KDM5A: variants seen among roughly 807,000 people sequenced by gnomAD.
KDM5A encodes the protein lysine-specific demethylase 5A.
A neutral mutation model predicts 193.5 loss-of-function variants in KDM5A; 42 were observed. The ratio of observed to expected loss-of-function variants is 0.22; its 90% confidence interval spans 0.17 to 0.28. KDM5A has a LOEUF of 0.28. KDM5A is among the 10% of genes least tolerant of loss of function. The pLI is 1.00. For missense variants in KDM5A, 1,692 were observed against 2,055.1 expected, an observed-to-expected ratio of 0.82 and a Z score of 3.42; for synonymous variants, 796 against 718.1, an observed-to-expected ratio of 1.11 and a Z score of -1.73.
Position 281,522 on chromosome 12 carries a change from G to A in KDM5A, c.*3934C>T, listed in dbSNP as rs1243114571. On this transcript the variant is annotated 3_prime_UTR_variant, in exon 28 of 28. Coordinates refer to ENST00000399788, the MANE Select transcript of KDM5A (RefSeq NM_001042603.3). ...ACTTGGGACATTCATATCCAAAGAA[G>A]TAATGGTATGACTTAAAAAAAAAGG... The A allele has an allele frequency of 1.3e-5, 3 of 233,012 alleles. No individual in the cohort carries two copies. Among genetic ancestry groups the A allele is most frequent in the Non-Finnish European group, 2.5e-5 (3 of 118,020 alleles). The allele number at this position is 233,012 out of a possible 1,614,324, so 14.4% of individuals were successfully genotyped here.
At chr12:321,380 T>C (rs113310963) in intron 17 of KDM5A, among the ~76,000 whole-genome samples, 98 of 152,360 alleles carry the variant, frequency 6.4e-4, no homozygotes, top group African/African-American at 2.3e-3. Flanking sequence ...ATTAAGTTCA[T>C]TGATAAAACT....
chr12:374,552 T>C (rs1165690978), intron 3 of KDM5A, among the ~76,000 whole-genome samples: 1 of 152,220 alleles, frequency 6.6e-6, no homozygotes, highest in African/African-American at 2.4e-5. Flanking sequence ...GTCTTTTAAC[T>C]GGAGCATTTA....
At chr12:345,384 C>T (rs1449665713) in intron 10 of KDM5A, among the ~76,000 whole-genome samples, 2 of 152,132 alleles carry the variant, frequency 1.3e-5, no homozygotes, top group African/African-American at 2.4e-5. Context: ...ACAAGGATAT[C>T]CAGGACCTGA....
chr12:330,493 A>T (rs974630791), intron 13 of KDM5A, among the ~76,000 whole-genome samples: 1 of 152,202 alleles, frequency 6.6e-6, no homozygotes, highest in Non-Finnish European at 1.5e-5. Context: ...AAAGCTGCCC[A>T]AGGTCAAATA....
rs769792722 is a variant in KDM5A, at chr12:313,076, C to T, written c.3016G>A (p.Ala1006Thr). The T allele has an allele frequency of 3.7e-6, 6 of 1,613,998 alleles. No individual in the cohort carries two copies. The highest frequency in any genetic ancestry group is 2.2e-5 in the South Asian group (2 of 91,074). Residue 1006 changes from alanine (A) to threonine (T), a missense_variant, in exon 20 of 28, where the codon GCT becomes ACT. Transcript: ENST00000399788. ...EALQKAREWT[A>T]KVEAIQSGSN... ...CTTACCTGAATAGCTTCCACTTTAG[C>T]GGTCCATTCTCGAGCCTTTTGTAAG...
At chr12:321,777 C>T (rs1056028532) in intron 17 of KDM5A, among the ~76,000 whole-genome samples, 1 of 152,116 alleles carries the variant, frequency 6.6e-6, no homozygotes, top group Admixed American at 6.5e-5. Flanking sequence ...ATCAAGGTTA[C>T]CCTTTGCTGC....
intron 9 of KDM5A, among the ~76,000 whole-genome samples, 189 bp from the exon 10 acceptor site, chr12:350,968 G>A (rs1045744593): frequency 7.2e-5 from 11 of 152,112 alleles, no homozygotes; most frequent in Non-Finnish European, 1.2e-4. Flanking sequence ...CAACTCGGAC[G>A]TTCAGAAAAA....
rs913417551 is a variant in KDM5A, at chr12:331,883, T to C, written c.1709A>G (p.Tyr570Cys). Reference protein sequence around the residue: ...GEFVVTFPRAYHSGFNQGYNF... With the variant: ...GEFVVTFPRACHSGFNQGYNF... ...GTAGCCCTGGTTAAATCCAGAGTGA[T>C]AGGCACGAGGAAATGTCACAACAAA... Residue 570 changes from tyrosine to cysteine, a missense_variant, in exon 13 of 28, where the codon TAT (tyrosine) becomes TGT (cysteine). Physicochemically the swap from Tyr to Cys is radical, Grantham distance 194 (BLOSUM62 -2). Coordinates refer to ENST00000399788, the MANE Select transcript of KDM5A (RefSeq NM_001042603.3). 3.1e-6 allele frequency: 5 copies of C among 1,613,934 alleles called. No individual in the cohort carries two copies. Among genetic ancestry groups the C allele is most frequent in the Non-Finnish European group, 4.2e-6 (5 of 1,179,952 alleles).
chr12:314,897 T>C (rs1943631835), intron 19 of KDM5A, among the ~76,000 whole-genome samples: 2 of 152,174 alleles, frequency 1.3e-5, no homozygotes, highest in African/African-American at 4.8e-5. Flanking sequence ...ACTAGATATA[T>C]AATTAAGCAA....
rs779176655 is a variant in KDM5A at position 307,914 on chromosome 12, C to T, written c.3470G>A (p.Arg1157His). Residue 1157 changes from arginine (R) to histidine (H), a missense_variant, in exon 23 of 28, where the codon CGC becomes CAC. By Grantham distance (29) the Arg-to-His change is conservative. Around this residue, in one of 11 missense-constraint regions of KDM5A, gnomAD observed 965 missense variants for 1,061.0 expected, o/e 0.91. Transcript: ENST00000399788. The surrounding 1 kb of genome is among the most constrained non-coding windows in gnomAD (Gnocchi z 4.3). Reference protein sequence around the residue: ...ANLAKMTMVDRIEEVKFCICR... With the variant: ...ANLAKMTMVDHIEEVKFCICR... ...AATGCAAAATTTTACTTCTTCTATG[C>T]GGTCCACCATTGTCATCTTGGCTAG... 35 of 1,614,026 alleles carry T rather than the reference C, an allele frequency of 2.2e-5. No homozygotes were observed. The highest frequency in any genetic ancestry group is 4.0e-5 in the African/African-American group (3 of 74,906).
At chr12:349,704 TTTTTTTTCC>T (rs1280755523) in intron 10 of KDM5A, among the ~76,000 whole-genome samples, 1 of 151,102 alleles carries the variant, frequency 6.6e-6, no homozygotes, top group Non-Finnish European at 1.5e-5. Flanking sequence ...ATTAGCTTTT[TTTTTTTTCC>T]TTTTTTTTAA....
intron 24 of KDM5A, among the ~76,000 whole-genome samples, chr12:298,031 G>C: frequency 6.6e-6 from 1 of 152,202 alleles, no homozygotes; most frequent in South Asian, 2.1e-4. Context: ...CTGAAAAAAA[G>C]GCAGCAGCCC....
At chr12:289,620 C>T (rs1943263295) in intron 27 of KDM5A, among the ~76,000 whole-genome samples, 1 of 148,972 alleles carries the variant, frequency 6.7e-6, no homozygotes, top group Non-Finnish European at 1.5e-5. Context: ...GAAGCTGTGG[C>T]AGGAGGACTG....
In KDM5A at chr12:389,124, G is replaced by A. The variant is rs749037453; in HGVS notation, c.-33C>T. ...GCCGGGGGGGGGGGGGGGTCCCCGT[G>A]GGGAACCGGTGGAGAAAAGCTGGCT... On this transcript the variant is annotated 5_prime_UTR_variant, in exon 1 of 28. Transcript: ENST00000399788. The A allele has an allele frequency of 3.1e-6, 5 of 1,599,150 alleles. No individual in the cohort carries two copies. The highest frequency in any genetic ancestry group is 3.4e-6 in the Non-Finnish European group (4 of 1,169,030).
chr12:377,052 A>G (rs903255851), intron 3 of KDM5A, among the ~76,000 whole-genome samples: 14 of 152,158 alleles, frequency 9.2e-5, no homozygotes, highest in Non-Finnish European at 2.1e-4. Context: ...AAAAGTCTTA[A>G]GAAGTAGCAG....
At position 310,887 on chromosome 12, in the gene KDM5A, G is replaced by A; in HGVS notation, c.3214C>T (p.Gln1072Ter). 1 of 1,614,100 alleles carries A rather than the reference G, an allele frequency of 6.2e-7. No individual in the cohort carries two copies. Among genetic ancestry groups the A allele is most frequent in the Non-Finnish European group, 8.5e-7 (1 of 1,179,936 alleles). ...TGAGAGTGTTGAAGTTCAAGTACCT[G>A]TAACAATGTATGGCTAGAATTCTTC... The part of the protein sequence containing the change: ...LKKNSSHTLL[Q>*]VLSPRTDIGV... Residue 1072 changes from glutamine (Q) to a stop codon, truncating the protein, a stop_gained and splice_region_variant, in exon 21 of 28, where the codon CAG becomes TAG. Transcript: ENST00000399788. LOFTEE classifies it high-confidence loss of function.
At chr12:334,531 T>G in intron 10 of KDM5A, 109 bp from the exon 11 acceptor site, 1 of 772,276 alleles carries the variant, frequency 1.3e-6, no homozygotes, top group Admixed American at 2.0e-5. Context: ...TATAATAGTC[T>G]AGTGCATACA....
At chr12:340,825 A>G (rs1473415990) in intron 10 of KDM5A, among the ~76,000 whole-genome samples, 2 of 152,170 alleles carry the variant, frequency 1.3e-5, no homozygotes, top group Admixed American at 1.3e-4. Flanking sequence ...GAAAACATCA[A>G]AGAGCCAGGA....
chr12:385,032 A>C (rs1944623001), intron 2 of KDM5A, among the ~76,000 whole-genome samples: 1 of 152,110 alleles, frequency 6.6e-6, no homozygotes, highest in African/African-American at 2.4e-5. Flanking sequence ...TCTACTAAAA[A>C]TACAAAAATT....
Sources: allele counts gnomAD v4.1 joint callset (sites outside exome capture counted in the v4.1 genomes callset), GRCh38; gene constraint gnomAD v4.1.1; regional missense constraint gnomAD v4.1.1; non-coding constraint Gnocchi (gnomAD v3.1); transcripts MANE v1.5; gene names NCBI Gene and HGNC (gene_info 2026-07-23, HGNC 2026-07-21).